SLC36A3: variants seen among roughly 807,000 people sequenced by gnomAD.
SLC36A3 encodes solute carrier family 36 member 3.
SLC36A3 carries 35 observed loss-of-function variants against 44.3 expected under a neutral mutation model. That is an observed-to-expected ratio of 0.79 (90% CI 0.60 to 1.05). The LOEUF is 1.05. Ranked by LOEUF, SLC36A3 falls within the 50% of genes least tolerant of loss-of-function variation. The pLI is 0.00. For missense variants in SLC36A3, 540 were observed against 578.7 expected, an observed-to-expected ratio of 0.93 and a Z score of 0.69; for synonymous variants, 211 against 227.6, an observed-to-expected ratio of 0.93 and a Z score of 0.66.
rs747325399 is a variant in SLC36A3 at position 151,293,406 on chromosome 5, GT to G, written c.361del (p.Thr121ProfsTer7). Reference protein sequence around the residue: ...YGEATMYGLETCPNTWLRAHA... With the variant: ...YGEATMYGLEXCPNTWLRAHA... ...GGCCCTCAGCCAGGTGTTCGGGCAG[GT>G]TTCAAGGCCGTACATCGTGGCCTCT... On this transcript the variant is annotated frameshift_variant, in exon 4 of 10. Transcript: ENST00000335230. LOFTEE classifies it high-confidence loss of function. 3 of 1,613,782 alleles carry G rather than the reference GT, an allele frequency of 1.9e-6. No homozygotes were observed. The African/African-American group carries it at 4.0e-5, about 22-fold the overall frequency.
chr5:151,286,298 T>C (rs1399265957), intron 6 of SLC36A3, among the ~76,000 whole-genome samples: 1 of 152,140 alleles, frequency 6.6e-6, no homozygotes, highest in Non-Finnish European at 1.5e-5. Flanking sequence ...ATATAACCCA[T>C]GCTTATGTTT....
chr5:151,290,506 C>T (rs1023568620), intron 4 of SLC36A3, among the ~76,000 whole-genome samples: 8 of 152,266 alleles, frequency 5.3e-5, no homozygotes, highest in South Asian at 4.1e-4. Flanking sequence ...AACTTTTTGC[C>T]ACTTGTTCTC....
intron 3 of SLC36A3, 114 bp downstream of exon 3, chr5:151,296,066 G>C: frequency 1.1e-6 from 1 of 927,644 alleles, no homozygotes; most frequent in Non-Finnish European, 1.7e-6. Context: ...ATCCAGATTG[G>C]TAGGAAGGTG....
chr5:151,284,201 G>A lies in SLC36A3; in HGVS notation c.817C>T (p.Leu273Phe). The A allele has an allele frequency of 6.2e-7, 1 of 1,606,082 alleles. No homozygotes were observed. Among genetic ancestry groups the A allele is most frequent in the Non-Finnish European group, 8.5e-7 (1 of 1,177,626 alleles). Reference sequence around the variant, plus strand: ...TGTGGATGCTTCATCTGGTTTTTGAGAGGCAGAACCTGGAGGGAAAAAAAA... The same window carrying A: ...TGTGGATGCTTCATCTGGTTTTTGAAAGGCAGAACCTGGAGGGAAAAAAAA... Reference protein sequence around the residue: ...TFEGVGMVLPLKNQMKHPQQF... With the variant: ...TFEGVGMVLPFKNQMKHPQQF... Residue 273 changes from leucine (L) to phenylalanine (F), a missense_variant, in exon 8 of 10, where the codon CTC becomes TTC. Leu to Phe is a conservative substitution (Grantham distance 22). Transcript: ENST00000335230.
chr5:151,303,030 A>G (rs1245380223), intron 1 of SLC36A3, among the ~76,000 whole-genome samples, 197 bp downstream of exon 1: 1 of 152,198 alleles, frequency 6.6e-6, no homozygotes. Flanking sequence ...GGTTCTTCGT[A>G]AAAACTGGGA....
intron 5 of SLC36A3, 26 bp from the exon 6 acceptor site, chr5:151,287,490 G>T: frequency 1.2e-6 from 2 of 1,605,074 alleles, no homozygotes; most frequent in Non-Finnish European, 1.7e-6. Context: ...ATGACAGGCA[G>T]TGTGGTTGCT....
At chr5:151,286,562 G>A (rs960445859) in intron 6 of SLC36A3, among the ~76,000 whole-genome samples, 1 of 152,198 alleles carries the variant, frequency 6.6e-6, no homozygotes, top group African/African-American at 2.4e-5. Context: ...CAAGTGCTGG[G>A]ATTACAGGTG....
At chr5:151,285,843 CACAG>C (rs1317335212) in intron 6 of SLC36A3, among the ~76,000 whole-genome samples, 1 of 152,154 alleles carries the variant, frequency 6.6e-6, no homozygotes. Context: ...AGCCAAGGCA[CACAG>C]ACAGCCTCTA....
At chr5:151,279,403 C>T (rs1222960424) in intron 9 of SLC36A3, among the ~76,000 whole-genome samples, 2 of 152,202 alleles carry the variant, frequency 1.3e-5, no homozygotes, top group Non-Finnish European at 2.9e-5. Flanking sequence ...CATTGTATCC[C>T]TTGTGTCTAG....
intron 5 of SLC36A3, among the ~76,000 whole-genome samples, chr5:151,288,035 G>C (rs1042655492): frequency 6.6e-6 from 1 of 152,214 alleles, no homozygotes; most frequent in Non-Finnish European, 1.5e-5. Context: ...TGAGGGGAAG[G>C]TGGCAGCTTG....
Position 151,281,014 on chromosome 5 carries a change from A to C in SLC36A3, c.1144T>G (p.Cys382Gly), listed in dbSNP as rs754748468. The C allele has an allele frequency of 3.7e-6, 6 of 1,613,970 alleles. No individual in the cohort carries two copies. In the East Asian group the frequency reaches 1.1e-4, roughly 30 times the overall value. Reference protein sequence around the residue: ...SVRSALVCLTCVSAILIPRLD... With the variant: ...SVRSALVCLTGVSAILIPRLD... Reference sequence around the variant, plus strand: ...AAGAGTGCCCTTTTATGCTACTCACAGGTTAGACAGACCAAGGCTGAGCGG... The same window carrying C: ...AAGAGTGCCCTTTTATGCTACTCACCGGTTAGACAGACCAAGGCTGAGCGG... The change falls in exon 9 of 10, where the codon TGT (cysteine) becomes GGT (glycine). Residue 382 changes from cysteine to glycine, a missense_variant and splice_region_variant. Physicochemically the swap from Cys to Gly is radical, Grantham distance 159. Transcript: ENST00000335230.
intron 6 of SLC36A3, among the ~76,000 whole-genome samples, chr5:151,285,113 C>A (rs1351422695): frequency 1.3e-5 from 2 of 152,292 alleles, no homozygotes; most frequent in Non-Finnish European, 2.9e-5. Context: ...ATTCTAGGTA[C>A]CTCATGTAAG....
At position 151,281,153 on chromosome 5, in the gene SLC36A3, A is replaced by T. The variant is rs1021176377; in HGVS notation, c.1005T>A (p.Ser335=). ...WLYQSVKLMY[S]IGIFFTYALQ... Reference sequence around the variant, plus strand: ...GGGCATAGGTGAAGAAGATGCCGATAGAGTACATCAGCTTGACTGACTGGT... The same window carrying T: ...GGGCATAGGTGAAGAAGATGCCGATTGAGTACATCAGCTTGACTGACTGGT... Residue 335 remains serine (S), a synonymous_variant, in exon 9 of 10, where the codon TCT becomes TCA. Coordinates refer to ENST00000335230, the MANE Select transcript of SLC36A3 (RefSeq NM_181774.4). 1.2e-6 allele frequency: 2 copies of T among 1,613,432 alleles called. No individual in the cohort carries two copies. Among genetic ancestry groups the T allele is most frequent in the African/African-American group, 1.3e-5 (1 of 74,944 alleles).
At chr5:151,287,132 T>A in intron 6 of SLC36A3, 114 bp downstream of exon 6, 1 of 1,025,084 alleles carries the variant, frequency 9.8e-7, no homozygotes, top group East Asian at 2.6e-5. Context: ...CAGGGGCTGC[T>A]CAGAGCAGAG....
chr5:151,280,673 C>A (rs1301196079), intron 9 of SLC36A3, among the ~76,000 whole-genome samples: 1 of 152,184 alleles, frequency 6.6e-6, no homozygotes, highest in East Asian at 1.9e-4. Context: ...TTTATCTGGG[C>A]CACAGTTCCC....
intron 4 of SLC36A3, among the ~76,000 whole-genome samples, chr5:151,292,301 G>A (rs2127266108): frequency 6.6e-6 from 1 of 152,198 alleles, no homozygotes; most frequent in Non-Finnish European, 1.5e-5. Flanking sequence ...CTCCTGATCA[G>A]GAGATCAATG....
chr5:151,284,513 T>C, intron 7 of SLC36A3, 100 bp downstream of exon 7: 3 of 955,120 alleles, frequency 3.1e-6, no homozygotes, highest in Non-Finnish European at 4.7e-6. Flanking sequence ...GATCAGAGTC[T>C]GCACCTTTTC....
rs756274446 is a variant in SLC36A3, at chr5:151,293,465, G to C, written c.309-6C>G. 4 of 1,608,448 alleles carry C rather than the reference G, an allele frequency of 2.5e-6. No individual in the cohort carries two copies. Among genetic ancestry groups the C allele is most frequent in the Non-Finnish European group, 3.4e-6 (4 of 1,176,786 alleles). On this transcript the variant is annotated splice_region_variant and splice_polypyrimidine_tract_variant and intron_variant, in intron 3 of 9. Coordinates refer to ENST00000335230, the MANE Select transcript of SLC36A3 (RefSeq NM_181774.4). ...TCACAAAAGTCTTCTGCAGTCTAGGGGGAAAGAACAAACAATGCATAATTT... is the reference window on the plus strand; with the variant it reads ...TCACAAAAGTCTTCTGCAGTCTAGGCGGAAAGAACAAACAATGCATAATTT...
At chr5:151,299,372 G>GATATATATAT (rs3051898) in intron 1 of SLC36A3, among the ~76,000 whole-genome samples, 16 of 136,568 alleles carry the variant, frequency 1.2e-4, no homozygotes, top group Admixed American at 7.4e-4. Context: ...TGAGCATGGT[G>GATATATATAT]ATATATATAT....
Sources: allele counts gnomAD v4.1 joint callset (sites outside exome capture counted in the v4.1 genomes callset), GRCh38; gene constraint gnomAD v4.1.1; transcripts MANE v1.5; gene names NCBI Gene and HGNC (gene_info 2026-07-23, HGNC 2026-07-21).